ZC3H12B: variants seen among roughly 807,000 people sequenced by gnomAD.
ZC3H12B encodes the protein probable ribonuclease ZC3H12B.
Under a neutral mutation model 43.9 loss-of-function variants are expected in ZC3H12B, and 7 were observed. The observed-to-expected ratio is 0.16, with a 90% CI of 0.09 to 0.30. ZC3H12B has a LOEUF of 0.30. Ranked by LOEUF, ZC3H12B falls within the 10% of genes least tolerant of loss-of-function variation. ZC3H12B has a pLI of 1.00. For missense variants in ZC3H12B, 475 were observed against 670.2 expected (o/e 0.71, Z 3.22); for synonymous variants, 222 against 241.7 (o/e 0.92, Z 0.76).
chrX:65,483,403 A>G (rs936959311), intron 3 of ZC3H12B, among the ~76,000 whole-genome samples: 3 of 111,810 alleles, frequency 2.7e-5, no homozygotes, highest in Non-Finnish European at 5.7e-5. Flanking sequence ...TGAATTTTTG[A>G]TTTTCTCAGA....
intron 3 of ZC3H12B, among the ~76,000 whole-genome samples, chrX:65,476,423 T>C (rs2067992497): frequency 8.9e-6 from 1 of 112,120 alleles, no homozygotes; most frequent in South Asian, 3.7e-4. Flanking sequence ...CTCTCTTTTT[T>C]TGAAAGTACA....
chrX:65,197,814 A>T, the ZC3H12B span, among the ~76,000 whole-genome samples: 1 of 112,182 alleles, frequency 8.9e-6, no homozygotes, highest in Non-Finnish European at 1.9e-5. Flanking sequence ...GAGAGCTGAA[A>T]CTGGGGCTCT....
the ZC3H12B span, among the ~76,000 whole-genome samples, chrX:65,318,612 G>T: frequency 9.1e-6 from 1 of 110,349 alleles, no homozygotes; most frequent in Non-Finnish European, 1.9e-5. Flanking sequence ...TACAGATGGG[G>T]TTTCACCATG....
chrX:65,100,161 T>C, the ZC3H12B span, among the ~76,000 whole-genome samples: 13 of 110,476 alleles, frequency 1.2e-4, no homozygotes, highest in Admixed American at 1.3e-3. Context: ...CTTAATGAAA[T>C]AAAGCATGAA....
the ZC3H12B span, among the ~76,000 whole-genome samples, chrX:65,163,161 G>T: frequency 5.4e-5 from 6 of 110,949 alleles, no homozygotes; most frequent in African/African-American, 2.0e-4. Context: ...GGCGTGTGAG[G>T]TGTCAGTCTG....
At chrX:65,117,720 T>A in the ZC3H12B span, among the ~76,000 whole-genome samples, 2 of 111,995 alleles carry the variant, frequency 1.8e-5, no homozygotes, top group Non-Finnish European at 3.8e-5. Flanking sequence ...CTTTAATCCA[T>A]CTTGAATTAA....
the ZC3H12B span, among the ~76,000 whole-genome samples, chrX:65,101,510 A>G: frequency 8.9e-6 from 1 of 112,060 alleles, no homozygotes; most frequent in Non-Finnish European, 1.9e-5. Context: ...CTAATAAAGA[A>G]GAAAAGAGAG....
intron 3 of ZC3H12B, chrX:65,469,392 A>G: frequency 2.2e-6 from 1 of 454,105 alleles, no homozygotes; most frequent in Non-Finnish European, 4.1e-6. Context: ...GATCTTTGGC[A>G]CCATCAAGCT....
chrX:65,311,568 T>C, the ZC3H12B span, among the ~76,000 whole-genome samples: 2 of 112,018 alleles, frequency 1.8e-5, no homozygotes, highest in African/African-American at 3.2e-5. Context: ...AGTTCAACCA[T>C]TGTGGAAGAC....
chrX:65,137,174 T>TA, the ZC3H12B span, among the ~76,000 whole-genome samples: 27 of 111,958 alleles, frequency 2.4e-4, no homozygotes, highest in South Asian at 1.5e-3. Context: ...CTTTATAATG[T>TA]AAAAAAAATC....
the ZC3H12B span, among the ~76,000 whole-genome samples, chrX:65,071,972 C>A: frequency 1.8e-5 from 2 of 111,700 alleles, no homozygotes; most frequent in Non-Finnish European, 3.8e-5. Flanking sequence ...GAGTTCTCTG[C>A]ATTTCCTGAA....
the ZC3H12B span, among the ~76,000 whole-genome samples, chrX:65,335,828 C>T: frequency 8.9e-6 from 1 of 111,898 alleles, no homozygotes; most frequent in Non-Finnish European, 1.9e-5. Context: ...AATTCCTGTT[C>T]CCTGGATGGC....
At chrX:65,345,210 G>T in the ZC3H12B span, among the ~76,000 whole-genome samples, 5 of 111,900 alleles carry the variant, frequency 4.5e-5, no homozygotes, top group Non-Finnish European at 9.4e-5. Context: ...ATATACAAAG[G>T]AATGTAAGTC....
At chrX:65,440,203 C>T (rs1282659277) in intron 3 of ZC3H12B, among the ~76,000 whole-genome samples, 2 of 111,616 alleles carry the variant, frequency 1.8e-5, no homozygotes, top group East Asian at 5.6e-4. Context: ...AGCAACTAGG[C>T]GATCAGCCAT....
chrX:65,084,821 G>A, the ZC3H12B span, among the ~76,000 whole-genome samples: 1 of 112,634 alleles, frequency 8.9e-6, no homozygotes, highest in African/African-American at 3.2e-5. Flanking sequence ...GTTTCTTGCA[G>A]CATTTTGCAC....
At chrX:65,394,886 T>C (rs1307948530) in intron 2 of ZC3H12B, among the ~76,000 whole-genome samples, 1 of 111,931 alleles carries the variant, frequency 8.9e-6, no homozygotes, top group African/African-American at 3.3e-5. Context: ...CCTTGGGCAG[T>C]GGCTTGTAGT....
chrX:65,356,818 G>A, the ZC3H12B span: 2 of 280,278 alleles, frequency 7.1e-6, no homozygotes, highest in East Asian at 1.8e-4. Flanking sequence ...ACTACACAGG[G>A]ATATTACACC....
the ZC3H12B span, among the ~76,000 whole-genome samples, chrX:65,160,003 T>C: frequency 8.9e-6 from 1 of 112,251 alleles, no homozygotes; most frequent in Non-Finnish European, 1.9e-5. Context: ...AGGCCTTTTC[T>C]GCATCTATTG....
the ZC3H12B span, among the ~76,000 whole-genome samples, chrX:65,209,571 C>T: frequency 2.0e-3 from 215 of 105,921 alleles, no homozygotes; most frequent in Middle Eastern, 0.019. Flanking sequence ...TGTTCTTTTA[C>T]ATTTGCTGAG....
Sources: allele counts gnomAD v4.1 joint callset (sites outside exome capture counted in the v4.1 genomes callset), GRCh38; gene constraint gnomAD v4.1.1; transcripts MANE v1.5; gene names NCBI Gene and HGNC (gene_info 2026-07-23, HGNC 2026-07-21).